Variants in STAC observed in about 807,000 individuals in gnomAD.
The protein encoded by STAC is SH3 and cysteine rich domain.
STAC carries 43 observed loss-of-function variants against 48.8 expected under a neutral mutation model. The observed-to-expected ratio is 0.88, with a 90% CI of 0.69 to 1.14. The LOEUF is 1.14. Ranked by LOEUF, STAC falls within the 50% of genes most tolerant of loss-of-function variation. The pLI, the probability that STAC is intolerant of heterozygous loss-of-function variation, is 0.00. For missense variants in STAC, 497 were observed against 504.0 expected (o/e 0.99, Z 0.13); for synonymous variants, 193 against 179.5 (o/e 1.07, Z -0.60).
At chr3:36,393,834 C>A (rs1274245604) in intron 1 of STAC, among the ~76,000 whole-genome samples, 1 of 151,728 alleles carries the variant, frequency 6.6e-6, no homozygotes, top group Non-Finnish European at 1.5e-5. Context: ...GCCACCCAGT[C>A]TGTGGTATTC....
chr3:36,432,626 C>A (rs562571419), intron 1 of STAC, among the ~76,000 whole-genome samples: 1 of 151,988 alleles, frequency 6.6e-6, no homozygotes, highest in Non-Finnish European at 1.5e-5. Flanking sequence ...TTTCTTGAGC[C>A]CAGGAGGCGG....
chr3:36,439,789 C>A (rs549932152), intron 1 of STAC, among the ~76,000 whole-genome samples: 1 of 152,094 alleles, frequency 6.6e-6, no homozygotes. Context: ...GTCTCATAGC[C>A]CCTTCTCACT....
At chr3:36,448,897 G>C (rs114154966) in intron 2 of STAC, among the ~76,000 whole-genome samples, 7,838 of 52,726 alleles carry the variant, frequency 0.15, 298 homozygotes, top group Non-Finnish European at 0.17. Flanking sequence ...GGGCAAAACA[G>C]TGAACCCCCC....
chr3:36,503,345 C>A (rs553379495), intron 6 of STAC, among the ~76,000 whole-genome samples: 32 of 152,190 alleles, frequency 2.1e-4, no homozygotes, highest in African/African-American at 7.5e-4. Flanking sequence ...AGGCAGAAGT[C>A]CCATTATCCA....
chr3:36,514,338 C>A (rs1698617783), intron 8 of STAC, among the ~76,000 whole-genome samples: 1 of 148,346 alleles, frequency 6.7e-6, no homozygotes, highest in Admixed American at 6.8e-5. Context: ...CACACATTCA[C>A]ACACACACAG....
At chr3:36,510,488 C>T (rs1320186406) in intron 8 of STAC, among the ~76,000 whole-genome samples, 5 of 152,086 alleles carry the variant, frequency 3.3e-5, no homozygotes, top group Non-Finnish European at 7.4e-5. Flanking sequence ...AATCATTCTA[C>T]TATAAAGACA....
At chr3:36,441,266 C>G (rs1440913195) in intron 1 of STAC, among the ~76,000 whole-genome samples, 1 of 152,108 alleles carries the variant, frequency 6.6e-6, no homozygotes, top group African/African-American at 2.4e-5. Flanking sequence ...TTGCCAGTCT[C>G]TAGTATCCTC....
In STAC at chr3:36,506,108, A is replaced by G. The variant is rs148283731; in HGVS notation, c.920+274A>G. On this transcript the variant is annotated intron_variant, in intron 8 of 10. Transcript: ENST00000273183. ...GCTGTCCAAGGAACACACTTTGGGA[A>G]GCACCACTTTAGTACATGCTCAACA... 125 of 259,370 alleles carry G rather than the reference A, an allele frequency of 4.8e-4. 1 individual carries two copies. In the East Asian group the frequency reaches 7.0e-3, roughly 14 times the overall value. 16.1% of individuals were successfully genotyped at this position (259,370 alleles called of 1,614,324 possible).
At chr3:36,402,399 C>T (rs1700014608) in intron 1 of STAC, among the ~76,000 whole-genome samples, 1 of 151,850 alleles carries the variant, frequency 6.6e-6, no homozygotes, top group African/African-American at 2.4e-5. Context: ...TGGACAGTTA[C>T]TACATACGAT....
intron 1 of STAC, among the ~76,000 whole-genome samples, chr3:36,399,922 T>C (rs1699966781): frequency 6.6e-6 from 1 of 152,092 alleles, no homozygotes; most frequent in Non-Finnish European, 1.5e-5. Flanking sequence ...CCAGGCAAAA[T>C]GGAGGCACTC....
At chr3:36,478,990 C>T (rs935630259) in intron 2 of STAC, among the ~76,000 whole-genome samples, 2 of 152,170 alleles carry the variant, frequency 1.3e-5, no homozygotes, top group African/African-American at 4.8e-5. Context: ...TTTGACGCTC[C>T]AGTGTACAGG....
chr3:36,383,083 GA>G (rs1230402871), intron 1 of STAC, among the ~76,000 whole-genome samples: 2 of 152,116 alleles, frequency 1.3e-5, no homozygotes, highest in Non-Finnish European at 2.9e-5. Context: ...CATAAATGAT[GA>G]AAAGAAAAAT....
chr3:36,529,154 A>G, intron 10 of STAC, 169 bp downstream of exon 10: 4 of 695,602 alleles, frequency 5.8e-6, no homozygotes, highest in Non-Finnish European at 8.3e-6. Flanking sequence ...CTAAACATGC[A>G]AACTAAAATT....
chr3:36,403,859 A>G (rs1269124823), intron 1 of STAC, among the ~76,000 whole-genome samples: 1 of 152,166 alleles, frequency 6.6e-6, no homozygotes, highest in Non-Finnish European at 1.5e-5. Flanking sequence ...AGTCATTTGA[A>G]TGACTCTGAA....
At chr3:36,534,073 G>T (rs1164675454) in intron 10 of STAC, among the ~76,000 whole-genome samples, 3 of 152,120 alleles carry the variant, frequency 2.0e-5, no homozygotes, top group Admixed American at 1.3e-4. Flanking sequence ...AGTGTCCTAA[G>T]TTATTTTAGG....
At chr3:36,447,286 G>GCCA (rs1696533628) in intron 2 of STAC, among the ~76,000 whole-genome samples, 1 of 152,128 alleles carries the variant, frequency 6.6e-6, no homozygotes, top group Non-Finnish European at 1.5e-5. Context: ...GGGGGCATCT[G>GCCA]TGAGTCATTG....
chr3:36,542,515 T>A (rs1699352044), intron 10 of STAC, among the ~76,000 whole-genome samples: 1 of 152,180 alleles, frequency 6.6e-6, no homozygotes, highest in African/African-American at 2.4e-5. Context: ...AGTGTCCCAG[T>A]CTCTTGAGGC....
chr3:36,429,496 C>G (rs1343647177), intron 1 of STAC, among the ~76,000 whole-genome samples: 2 of 152,100 alleles, frequency 1.3e-5, no homozygotes, highest in African/African-American at 4.8e-5. Context: ...TTGCTCAGAG[C>G]CTTCACATTT....
intron 6 of STAC, among the ~76,000 whole-genome samples, chr3:36,503,261 G>GA (rs1698320590): frequency 6.6e-6 from 1 of 151,978 alleles, no homozygotes; most frequent in Admixed American, 6.6e-5. Flanking sequence ...TTTGTTTAAG[G>GA]AAAATACATA....
Sources: gnomAD v4.1 joint callset for allele counts (sites outside exome capture counted in the v4.1 genomes callset) on GRCh38, gnomAD v4.1.1 for gene constraint, MANE v1.5 for transcripts, NCBI Gene and HGNC (gene_info 2026-07-23, HGNC 2026-07-21) for gene names.